Variants in MARCHF1 observed in about 807,000 individuals in gnomAD.
MARCHF1 encodes E3 ubiquitin-protein ligase MARCHF1.
MARCHF1 carries 40 observed loss-of-function variants against 54.2 expected under a neutral mutation model. That is an observed-to-expected ratio of 0.74 (90% CI 0.57 to 0.96). The LOEUF is 0.96. MARCHF1 is among the 40% of genes least tolerant of loss of function. The pLI is 0.00. For synonymous variants in MARCHF1, 236 were observed against 236.3 expected (o/e 1.00, Z 0.01); for missense variants, 586 against 656.5 (o/e 0.89, Z 1.17).
At chr4:163,892,352 G>A (rs757795644) in intron 3 of MARCHF1, among the ~76,000 whole-genome samples, 19 of 151,862 alleles carry the variant, frequency 1.3e-4, no homozygotes, top group Non-Finnish European at 2.9e-5. Flanking sequence ...TCTAAGAGTG[G>A]AGCTGCTCTG....
At chr4:163,976,574 T>G (rs1035554084) in intron 3 of MARCHF1, among the ~76,000 whole-genome samples, 1 of 152,172 alleles carries the variant, frequency 6.6e-6, no homozygotes, top group African/African-American at 2.4e-5. Context: ...GCAATTGTTT[T>G]AACCAATAGG....
intron 1 of MARCHF1, among the ~76,000 whole-genome samples, chr4:164,217,217 A>G (rs1731958426): frequency 1.3e-5 from 2 of 152,284 alleles, no homozygotes; most frequent in Admixed American, 6.5e-5. Context: ...CCATTTTTCT[A>G]GACATTTTCA....
At position 163,525,705 on chromosome 4, in the gene MARCHF1, G is replaced by C. The variant is rs1211483610; in HGVS notation, c.*3043C>G. ...ACTGTAATTTCATTCTTCAATTTTA[G>C]TCCTTTTTTTTTCAATTCCATTTTA... On this transcript the variant is annotated 3_prime_UTR_variant, in exon 10 of 10. Coordinates refer to ENST00000514618, the MANE Select transcript of MARCHF1 (RefSeq NM_001394959.1). 6.6e-6 allele frequency: 1 copy of C among 151,844 alleles called. No individual in the cohort carries two copies. Among genetic ancestry groups the C allele is most frequent in the East Asian group, 1.9e-4 (1 of 5,178 alleles). 9.4% of individuals were successfully genotyped at this position (151,844 alleles called of 1,614,324 possible). A position where few individuals can be genotyped will look rare whatever the true frequency, so the allele number is the denominator to read the frequency against.
chr4:163,590,680 A>G (rs1442241673), intron 7 of MARCHF1, among the ~76,000 whole-genome samples: 2 of 152,096 alleles, frequency 1.3e-5, no homozygotes, highest in African/African-American at 4.8e-5. Flanking sequence ...ACATACAACC[A>G]CAGTGGCATC....
intron 1 of MARCHF1, among the ~76,000 whole-genome samples, chr4:164,260,227 T>C (rs1317456693): frequency 1.3e-5 from 2 of 152,118 alleles, no homozygotes; most frequent in East Asian, 3.8e-4. Context: ...ACTACTAATA[T>C]CCCACTTCAG....
intron 4 of MARCHF1, among the ~76,000 whole-genome samples, chr4:163,774,705 A>G (rs942216499): frequency 1.3e-5 from 2 of 152,100 alleles, no homozygotes; most frequent in African/African-American, 4.8e-5. Flanking sequence ...CATGTTGGCC[A>G]GGCTGGTCTT....
At chr4:163,568,994 C>T (rs150357786) in intron 8 of MARCHF1, among the ~76,000 whole-genome samples, 1 of 152,264 alleles carries the variant, frequency 6.6e-6, no homozygotes, top group Non-Finnish European at 1.5e-5. Context: ...TAGGTTTCTC[C>T]TCCTTCATTG....
intron 2 of MARCHF1, among the ~76,000 whole-genome samples, chr4:164,079,618 G>A (rs901839661): frequency 2.0e-5 from 3 of 152,054 alleles, no homozygotes; most frequent in South Asian, 2.1e-4. Context: ...ATAGAGTATA[G>A]CAGTTGAATG....
At chr4:163,808,739 T>G (rs1478461034) in intron 4 of MARCHF1, among the ~76,000 whole-genome samples, 1 of 152,004 alleles carries the variant, frequency 6.6e-6, no homozygotes. Flanking sequence ...TGGCTAATTT[T>G]TGTATTTTTA....
At chr4:164,118,318 C>G (rs1755982995) in intron 1 of MARCHF1, among the ~76,000 whole-genome samples, 1 of 151,252 alleles carries the variant, frequency 6.6e-6, no homozygotes, top group African/African-American at 2.4e-5. Context: ...TATGGGCATA[C>G]AGCAAAAAGA....
At chr4:164,381,812 A>T (rs574384337) in intron 1 of MARCHF1, among the ~76,000 whole-genome samples, 1 of 152,340 alleles carries the variant, frequency 6.6e-6, no homozygotes, top group African/African-American at 2.4e-5. Context: ...ACCTTAAAGT[A>T]AAACCCCATT....
chr4:163,795,039 G>GA (rs1333467164), intron 4 of MARCHF1, among the ~76,000 whole-genome samples: 1 of 151,884 alleles, frequency 6.6e-6, no homozygotes, highest in Non-Finnish European at 1.5e-5. Context: ...CATTTTTAAG[G>GA]AAAATCTCTG....
intron 1 of MARCHF1, among the ~76,000 whole-genome samples, chr4:164,280,901 C>T (rs1734009478): frequency 2.0e-5 from 3 of 152,108 alleles, no homozygotes; most frequent in African/African-American, 7.2e-5. Context: ...TTGCCTGATT[C>T]TATTAGAACA....
chr4:164,335,174 G>T (rs1019731206), intron 1 of MARCHF1, among the ~76,000 whole-genome samples: 1 of 152,170 alleles, frequency 6.6e-6, no homozygotes, highest in Non-Finnish European at 1.5e-5. Flanking sequence ...TGAGAGGGTT[G>T]ACTTCAATTT....
Position 164,239,969 on chromosome 4 carries a change from G to A in MARCHF1, c.-322-128307C>T, listed in dbSNP as rs556688543. ...GTACATGCTTAAGTAGAGTAAGAGA[G>A]CATCTTGCTCTAAACATTCAGTGTT... On this transcript the variant is annotated intron_variant, in intron 1 of 9. Transcript: ENST00000514618. 3.3e-5 allele frequency among the ~76,000 whole-genome samples: 5 copies of A among 152,274 alleles called. No homozygotes were observed. The South Asian group carries it at 1.0e-3, about 32-fold the overall frequency.
chr4:163,653,446 G>A (rs1743038117), intron 5 of MARCHF1, among the ~76,000 whole-genome samples: 1 of 151,718 alleles, frequency 6.6e-6, no homozygotes, highest in African/African-American at 2.4e-5. Context: ...TTTCTTAATT[G>A]TGTAGAGAAT....
chr4:163,986,071 T>A (rs1282013732), intron 3 of MARCHF1, among the ~76,000 whole-genome samples: 1 of 151,786 alleles, frequency 6.6e-6, no homozygotes, highest in Admixed American at 6.6e-5. Flanking sequence ...CCTACAAGAT[T>A]GACTAATATG....
At chr4:164,094,640 C>G (rs1004312313) in intron 2 of MARCHF1, among the ~76,000 whole-genome samples, 1 of 152,026 alleles carries the variant, frequency 6.6e-6, no homozygotes. Context: ...AAAAACCTGA[C>G]AAATATTACA....
chr4:164,383,437 G>T (rs1561027655), intron 1 of MARCHF1: 2 of 152,388 alleles, frequency 1.3e-5, no homozygotes, highest in African/African-American at 4.8e-5. Flanking sequence ...CACACTAGGA[G>T]CGCGTGAGCC....
Sources: gnomAD v4.1 joint callset for allele counts (sites outside exome capture counted in the v4.1 genomes callset) on GRCh38, gnomAD v4.1.1 for gene constraint, MANE v1.5 for transcripts, NCBI Gene and HGNC (gene_info 2026-07-23, HGNC 2026-07-21) for gene names.